The following GPHN variants were observed in gnomAD, a reference collection of about 807,000 sequenced individuals.
The protein encoded by GPHN is gephyrin.
Under a neutral mutation model 95.5 loss-of-function variants are expected in GPHN, and 17 were observed. That is an observed-to-expected ratio of 0.18 (90% CI 0.12 to 0.27). The LOEUF is 0.27. GPHN is among the 10% of genes least tolerant of loss of function. The pLI is 1.00. For synonymous variants in GPHN, 320 were observed against 322.5 expected, an observed-to-expected ratio of 0.99 and a Z score of 0.08; for missense variants, 660 against 978.1, an observed-to-expected ratio of 0.67 and a Z score of 4.34.
chr14:67,159,720 T>G (rs1206893122), intron 19 of GPHN, among the ~76,000 whole-genome samples: 1 of 152,134 alleles, frequency 6.6e-6, no homozygotes, highest in Non-Finnish European at 1.5e-5. Flanking sequence ...TTTCCAAACT[T>G]TTTCTCCTTT....
chr14:66,942,334 G>A (rs10150098), intron 8 of GPHN, among the ~76,000 whole-genome samples: 38,211 of 152,136 alleles, frequency 0.25, 9,712 homozygotes, highest in African/African-American at 0.62. Flanking sequence ...CTTTTGTGTT[G>A]CTTAATATTG....
intron 1 of GPHN, among the ~76,000 whole-genome samples, chr14:66,575,737 C>T (rs2060876583): frequency 6.6e-6 from 1 of 151,954 alleles, no homozygotes; most frequent in African/African-American, 2.4e-5. Context: ...AGTGGGCCTG[C>T]TAACTGGATT....
intron 4 of GPHN, among the ~76,000 whole-genome samples, chr14:66,847,859 CT>C (rs1417434337): frequency 1.3e-5 from 2 of 151,982 alleles, no homozygotes; most frequent in African/African-American, 2.4e-5. Flanking sequence ...TCTTCTCCCC[CT>C]ATTTGCCCTC....
chr14:67,316,600 A>G, the GPHN span, among the ~76,000 whole-genome samples: 1 of 152,312 alleles, frequency 6.6e-6, no homozygotes, highest in Admixed American at 6.5e-5. Flanking sequence ...TAAATATTTT[A>G]GTAGATGATA....
At chr14:67,534,432 A>AG in the GPHN span, among the ~76,000 whole-genome samples, 1 of 152,176 alleles carries the variant, frequency 6.6e-6, no homozygotes, top group African/African-American at 2.4e-5. Context: ...ATAAAAATTT[A>AG]AAAATTAGCT....
At chr14:67,569,414 C>T in the GPHN span, among the ~76,000 whole-genome samples, 1 of 152,202 alleles carries the variant, frequency 6.6e-6, no homozygotes, top group African/African-American at 2.4e-5. Flanking sequence ...AGGTTCAGCC[C>T]ATCACAGGAA....
chr14:67,398,325 A>G, the GPHN span, among the ~76,000 whole-genome samples: 1 of 152,112 alleles, frequency 6.6e-6, no homozygotes, highest in African/African-American at 2.4e-5. Flanking sequence ...CCTGGACTCA[A>G]GTGATCCTCC....
At chr14:66,737,248 C>T (rs1320857527) in intron 2 of GPHN, among the ~76,000 whole-genome samples, 2 of 151,956 alleles carry the variant, frequency 1.3e-5, no homozygotes, top group African/African-American at 2.4e-5. Flanking sequence ...TTCTTTTTCC[C>T]CTTCCCTTTC....
the GPHN span, among the ~76,000 whole-genome samples, chr14:67,464,541 C>T: frequency 6.6e-6 from 1 of 152,138 alleles, no homozygotes; most frequent in Admixed American, 6.5e-5. Flanking sequence ...GCCACACCAG[C>T]CTTTTATCTG....
At chr14:67,290,075 C>CT in the GPHN span, among the ~76,000 whole-genome samples, 2 of 151,830 alleles carry the variant, frequency 1.3e-5, no homozygotes, top group Non-Finnish European at 2.9e-5. Context: ...CCTGGCCTCC[C>CT]TGTCTTTTTT....
chr14:66,667,924 G>A (rs2066063769), intron 1 of GPHN, among the ~76,000 whole-genome samples: 1 of 152,036 alleles, frequency 6.6e-6, no homozygotes, highest in African/African-American at 2.4e-5. Flanking sequence ...GCATCTATAA[G>A]GAACTTAAAT....
At chr14:67,303,127 A>G in the GPHN span, among the ~76,000 whole-genome samples, 1 of 152,240 alleles carries the variant, frequency 6.6e-6, no homozygotes, top group African/African-American at 2.4e-5. Context: ...GGCTACCATT[A>G]TTAAGATACA....
intron 1 of GPHN, among the ~76,000 whole-genome samples, chr14:66,569,386 G>A (rs982034724): frequency 1.3e-4 from 20 of 152,260 alleles, no homozygotes; most frequent in African/African-American, 4.8e-4. Context: ...AAATTAGGCC[G>A]AGGCGGTGGC....
chr14:67,691,420 C>A, the GPHN span: 1 of 553,170 alleles, frequency 1.8e-6, no homozygotes, highest in Non-Finnish European at 3.2e-6. Flanking sequence ...TGAATCCCAC[C>A]TACTTTTACT....
At chr14:67,572,122 C>T in the GPHN span, 2 of 1,602,116 alleles carry the variant, frequency 1.2e-6, no homozygotes, top group Non-Finnish European at 1.7e-6. Context: ...TTGACTCCTC[C>T]TCCCTCGGCA....
intron 18 of GPHN, among the ~76,000 whole-genome samples, chr14:67,157,269 G>A (rs888931269): frequency 1.3e-5 from 2 of 151,848 alleles, no homozygotes; most frequent in African/African-American, 2.4e-5. Context: ...TATTAGGAGG[G>A]ACATTTTATT....
intron 1 of GPHN, among the ~76,000 whole-genome samples, chr14:66,618,983 G>A (rs960040428): frequency 6.6e-6 from 1 of 152,018 alleles, no homozygotes; most frequent in Non-Finnish European, 1.5e-5. Flanking sequence ...TGATCAGTTT[G>A]CATTTTCTAG....
chr14:67,365,034 T>C, the GPHN span: 23 of 1,553,450 alleles, frequency 1.5e-5, no homozygotes, highest in Middle Eastern at 1.7e-4. Context: ...ATCTGTAATA[T>C]AAATTTCAGA....
chr14:67,671,488 T>C, the GPHN span, among the ~76,000 whole-genome samples: 55 of 151,986 alleles, frequency 3.6e-4, no homozygotes, highest in East Asian at 9.9e-3. Context: ...ATTGTACCAC[T>C]GCACTCCAGC....
Sources: allele counts gnomAD v4.1 joint callset (sites outside exome capture counted in the v4.1 genomes callset), GRCh38; gene constraint gnomAD v4.1.1; transcripts MANE v1.5; gene names NCBI Gene and HGNC (gene_info 2026-07-23, HGNC 2026-07-21).